SORCS3: variants seen among roughly 807,000 people sequenced by gnomAD.
SORCS3 encodes the protein sortilin related VPS10 domain containing receptor 3, also known as VPS10 domain-containing receptor SorCS3.
SORCS3 carries 57 observed loss-of-function variants against 146.3 expected under a neutral mutation model. The observed-to-expected ratio is 0.39, with a 90% CI of 0.31 to 0.49. The LOEUF (loss-of-function observed/expected upper bound fraction) is 0.49, where lower values mean the gene tolerates loss of function less well. Among genes scored for constraint, SORCS3 ranks in the 20% least tolerant of loss-of-function variants. The pLI is 0.92. For missense variants in SORCS3, 1,341 were observed against 1,575.5 expected (o/e 0.85, Z 2.52); for synonymous variants, 653 against 618.5 (o/e 1.06, Z -0.83).
At chr10:105,132,000 A>C (rs1326340881) in intron 7 of SORCS3, among the ~76,000 whole-genome samples, 1 of 152,016 alleles carries the variant, frequency 6.6e-6, no homozygotes, top group African/African-American at 2.4e-5. Context: ...CAGTGAACAT[A>C]TTTTCTGGGA....
At chr10:105,219,749 G>C (rs999706056) in intron 19 of SORCS3, among the ~76,000 whole-genome samples, 1 of 152,182 alleles carries the variant, frequency 6.6e-6, no homozygotes, top group Non-Finnish European at 1.5e-5. Flanking sequence ...GAAGGAAAAT[G>C]AACTTCACAT....
At chr10:104,752,207 T>G (rs1455893201) in intron 1 of SORCS3, among the ~76,000 whole-genome samples, 2 of 151,570 alleles carry the variant, frequency 1.3e-5, no homozygotes, top group Non-Finnish European at 2.9e-5. Flanking sequence ...CTATTTTTTT[T>G]GTATTTTTAG....
At chr10:104,956,948 G>A (rs953754773) in intron 3 of SORCS3, among the ~76,000 whole-genome samples, 1 of 152,146 alleles carries the variant, frequency 6.6e-6, no homozygotes, top group Non-Finnish European at 1.5e-5. Flanking sequence ...CACAGCTCTG[G>A]TTGAAGAGTG....
chr10:104,641,982 C>T lies in SORCS3; in HGVS notation c.627+28C>T. ...GAGTACCCACCCGGCGGCGGGTCCG[C>T]CTGTTTCCTGACACCGAAGGGGAAT... is the stretch of plus-strand genomic sequence containing the variant. On this transcript the variant is annotated intron_variant, in intron 1 of 26. Coordinates refer to ENST00000369701, the MANE Select transcript of SORCS3 (RefSeq NM_014978.3). The surrounding 1 kb of genome is among the most constrained non-coding windows in gnomAD (Gnocchi z 6.4). The T allele has an allele frequency of 2.7e-6, 3 of 1,116,552 alleles. No homozygotes were observed. The highest frequency in any genetic ancestry group is 1.2e-6 in the Non-Finnish European group (1 of 844,932). 69.2% of individuals were successfully genotyped at this position (1,116,552 alleles called of 1,614,324 possible).
intron 2 of SORCS3, among the ~76,000 whole-genome samples, chr10:104,876,923 G>A (rs2496023): frequency 0.72 from 109,349 of 151,814 alleles, 39,811 homozygotes; most frequent in East Asian, 0.88. Flanking sequence ...CAAAGCAATC[G>A]CAGCTCACTG....
intron 5 of SORCS3, among the ~76,000 whole-genome samples, chr10:105,049,672 T>C (rs1050663380): frequency 2.0e-5 from 3 of 152,010 alleles, no homozygotes; most frequent in African/African-American, 7.2e-5. Context: ...TGCAGCAAAA[T>C]GGATGGAGCT....
chr10:104,963,666 G>A (rs773417276), intron 3 of SORCS3, among the ~76,000 whole-genome samples: 6 of 151,954 alleles, frequency 3.9e-5, no homozygotes, highest in South Asian at 2.1e-4. Flanking sequence ...CCCTCTCCCC[G>A]GAGTATAAAC....
intron 3 of SORCS3, among the ~76,000 whole-genome samples, chr10:104,963,205 G>T (rs1564723319): frequency 6.6e-6 from 1 of 152,204 alleles, no homozygotes; most frequent in Non-Finnish European, 1.5e-5. Context: ...CAGGGTTAAA[G>T]TTATGAATAT....
chr10:104,712,121 C>T (rs973122711), intron 1 of SORCS3, among the ~76,000 whole-genome samples: 1 of 152,128 alleles, frequency 6.6e-6, no homozygotes, highest in African/African-American at 2.4e-5. Context: ...AATAATTTGG[C>T]TCATTCTTCC....
intron 1 of SORCS3, among the ~76,000 whole-genome samples, chr10:104,781,101 T>C (rs749687877): frequency 6.6e-6 from 1 of 152,238 alleles, no homozygotes; most frequent in Non-Finnish European, 1.5e-5. Flanking sequence ...GATTAGATGA[T>C]AGACAACTCT....
At chr10:105,251,790 AAAGCAATATCATTCTTTTACT>A (rs2056900204) in intron 22 of SORCS3, among the ~76,000 whole-genome samples, 1 of 152,198 alleles carries the variant, frequency 6.6e-6, no homozygotes, top group Non-Finnish European at 1.5e-5. Flanking sequence ...TTTTTATCAC[AAAGCAATATCATTCTTTTACT>A]AACCACTCAG....
intron 1 of SORCS3, among the ~76,000 whole-genome samples, chr10:104,654,291 T>C (rs955449927): frequency 6.6e-6 from 1 of 152,258 alleles, no homozygotes; most frequent in African/African-American, 2.4e-5. Context: ...CTTTGATATA[T>C]TGATTTCCTT....
At position 104,960,875 on chromosome 10, in the gene SORCS3, A is replaced by G. The variant is rs576783815; in HGVS notation, c.796-16460A>G. 3.9e-5 allele frequency among the ~76,000 whole-genome samples: 6 copies of G among 152,324 alleles called. No individual in the cohort carries two copies. In the East Asian group the frequency reaches 9.6e-4, roughly 24 times the overall value. ...TCCCCCTTTTTTGATGTTCACTGGA[A>G]GAAATACTAAAGATAATACAATAAA... On this transcript the variant is annotated intron_variant, in intron 3 of 26. Coordinates refer to ENST00000369701, the MANE Select transcript of SORCS3 (RefSeq NM_014978.3).
chr10:104,973,984 G>A (rs1437742108), intron 3 of SORCS3, among the ~76,000 whole-genome samples: 1 of 152,052 alleles, frequency 6.6e-6, no homozygotes, highest in African/African-American at 2.4e-5. Context: ...AGGTTGTTCA[G>A]TTTCCATGTA....
intron 2 of SORCS3, among the ~76,000 whole-genome samples, chr10:104,870,909 A>G (rs1169547018): frequency 2.0e-5 from 3 of 152,168 alleles, no homozygotes; most frequent in Admixed American, 2.0e-4. Flanking sequence ...AACATCTTTT[A>G]TAGTGGAGGT....
chr10:105,090,332 T>A (rs957128964), intron 6 of SORCS3, among the ~76,000 whole-genome samples: 1 of 152,102 alleles, frequency 6.6e-6, no homozygotes, highest in Non-Finnish European at 1.5e-5. Context: ...AGAGAGAAAG[T>A]GATGAGCAAG....
At chr10:105,104,812 G>A (rs539633932) in intron 6 of SORCS3, among the ~76,000 whole-genome samples, 7 of 152,230 alleles carry the variant, frequency 4.6e-5, no homozygotes, top group East Asian at 1.9e-4. Context: ...AGAACAGTGC[G>A]TTTTGGAGAA....
intron 13 of SORCS3, 63 bp downstream of exon 13, chr10:105,167,412 G>A (rs772678314): frequency 8.3e-7 from 1 of 1,202,736 alleles, no homozygotes; most frequent in Non-Finnish European, 1.2e-6. Flanking sequence ...AGAGGATTGT[G>A]ATGAGTTATT....
rs2016207086 is a variant in SORCS3 at position 104,696,576 on chromosome 10, ATATAATATATATTATATACGTATATATT to A, written c.627+54623_627+54650del. 2.5e-4 allele frequency among the ~76,000 whole-genome samples: 26 copies of A among 103,394 alleles called. 2 individuals are homozygous for A. Among genetic ancestry groups the A allele is most frequent in the Non-Finnish European group, 3.9e-4 (22 of 56,786 alleles). The allele number at this position is 103,394 out of a possible 152,430, so 67.8% of individuals were successfully genotyped here. A position where few individuals can be genotyped will look rare whatever the true frequency, so the allele number is the denominator to read the frequency against. ...AGAATATATAATATACGTATATAAT[ATATAATATATATTATATACGTATATATT>A]ATATATAATATATATTATATACGTA... On this transcript the variant is annotated intron_variant, in intron 1 of 26. Coordinates refer to ENST00000369701, the MANE Select transcript of SORCS3 (RefSeq NM_014978.3).
Sources: allele counts gnomAD v4.1 joint callset (sites outside exome capture counted in the v4.1 genomes callset), GRCh38; gene constraint gnomAD v4.1.1; non-coding constraint Gnocchi (gnomAD v3.1); transcripts MANE v1.5; gene names NCBI Gene and HGNC (gene_info 2026-07-23, HGNC 2026-07-21).